The following HCN1 variants were observed in gnomAD, a reference collection of about 807,000 sequenced individuals.
HCN1 encodes hyperpolarization activated cyclic nucleotide gated potassium channel 1.
A neutral mutation model predicts 78.9 loss-of-function variants in HCN1; 13 were observed. That is an observed-to-expected ratio of 0.16 (90% confidence interval 0.11 to 0.26). HCN1 has a LOEUF of 0.26. Ranked by LOEUF, HCN1 falls within the 10% of genes least tolerant of loss-of-function variation. The pLI is 1.00. For missense variants in HCN1, 810 were observed against 1,154.3 expected (o/e 0.70, Z 4.32); for synonymous variants, 552 against 455.5 (o/e 1.21, Z -2.70).
At chr5:45,351,253 C>T (rs1746894669) in intron 5 of HCN1, among the ~76,000 whole-genome samples, 1 of 151,308 alleles carries the variant, frequency 6.6e-6, no homozygotes, top group African/African-American at 2.4e-5. Flanking sequence ...TTTGACAAAC[C>T]TGAGAAAAAC....
chr5:45,372,117 ATATAT>A (rs1295571071), intron 4 of HCN1, among the ~76,000 whole-genome samples: 2 of 54,858 alleles, frequency 3.6e-5, no homozygotes, highest in Admixed American at 3.4e-4. Context: ...TAATATAATT[ATATAT>A]TATATATATA....
intron 3 of HCN1, among the ~76,000 whole-genome samples, chr5:45,413,789 C>A (rs1740067940): frequency 6.6e-6 from 1 of 151,736 alleles, no homozygotes; most frequent in South Asian, 2.1e-4. Context: ...TTTCCAAAGA[C>A]AAATGCAATA....
At chr5:45,548,480 T>C (rs1042439719) in intron 2 of HCN1, among the ~76,000 whole-genome samples, 2 of 152,036 alleles carry the variant, frequency 1.3e-5, no homozygotes, top group African/African-American at 2.4e-5. Flanking sequence ...AATTAGGTAC[T>C]CACGGGACAT....
At chr5:45,430,690 C>A (rs747088183) in intron 3 of HCN1, among the ~76,000 whole-genome samples, 2 of 151,956 alleles carry the variant, frequency 1.3e-5, no homozygotes, top group African/African-American at 2.4e-5. Flanking sequence ...ACTCCATCAT[C>A]GGGCGCTTGT....
chr5:45,374,803 T>A (rs1016396625), intron 4 of HCN1, among the ~76,000 whole-genome samples: 1 of 147,512 alleles, frequency 6.8e-6, no homozygotes, highest in Non-Finnish European at 1.5e-5. Context: ...TATATATATA[T>A]AAAACCATAT....
chr5:45,350,237 T>G (rs1198582204), intron 5 of HCN1, among the ~76,000 whole-genome samples: 1 of 152,122 alleles, frequency 6.6e-6, no homozygotes, highest in East Asian at 1.9e-4. Flanking sequence ...AATCAATAAA[T>G]GTAATCCAGC....
rs549474903 is a variant in HCN1 at position 45,376,746 on chromosome 5, T to C, written c.1230+19746A>G. 2.0e-5 allele frequency among the ~76,000 whole-genome samples: 3 copies of C among 152,080 alleles called. No individual in the cohort carries two copies. The East Asian group carries it at 5.8e-4, about 29-fold the overall frequency. On this transcript the variant is annotated intron_variant, in intron 4 of 7. Transcript: ENST00000303230. ...TCTTAATACCATTCAGCAATTTCCTTGTGTCACTGGGATTCTGAACCATGT... is the reference window on the plus strand; with the variant it reads ...TCTTAATACCATTCAGCAATTTCCTCGTGTCACTGGGATTCTGAACCATGT...
chr5:45,528,519 A>C (rs1742784339), intron 2 of HCN1, among the ~76,000 whole-genome samples: 1 of 151,964 alleles, frequency 6.6e-6, no homozygotes, highest in Non-Finnish European at 1.5e-5. Context: ...GAAAAAGCTT[A>C]AGAGGAGGGA....
chr5:45,539,947 T>C (rs1031499656), intron 2 of HCN1, among the ~76,000 whole-genome samples: 5 of 92,256 alleles, frequency 5.4e-5, no homozygotes, highest in Non-Finnish European at 1.0e-4. Context: ...TATATATATA[T>C]ATATATATAT....
intron 1 of HCN1, among the ~76,000 whole-genome samples, chr5:45,678,078 A>C (rs1207514820): frequency 6.6e-6 from 1 of 151,872 alleles, no homozygotes; most frequent in Admixed American, 6.6e-5. Flanking sequence ...ATTCTCCAGT[A>C]CATCTGTTTC....
intron 2 of HCN1, among the ~76,000 whole-genome samples, chr5:45,588,612 G>A (rs1744290655): frequency 6.6e-6 from 1 of 151,986 alleles, no homozygotes; most frequent in Non-Finnish European, 1.5e-5. Context: ...AAAAGACCCA[G>A]AAATCCCTTT....
At chr5:45,384,196 T>A (rs1026996948) in intron 4 of HCN1, among the ~76,000 whole-genome samples, 1 of 152,110 alleles carries the variant, frequency 6.6e-6, no homozygotes, top group Admixed American at 6.6e-5. Context: ...GTATTTGGTG[T>A]TTAGTAAAGC....
At chr5:45,577,070 T>A (rs1485841754) in intron 2 of HCN1, among the ~76,000 whole-genome samples, 1 of 152,058 alleles carries the variant, frequency 6.6e-6, no homozygotes, top group Non-Finnish European at 1.5e-5. Flanking sequence ...TTTGGAAGGG[T>A]TGGAGTTAGC....
intron 2 of HCN1, among the ~76,000 whole-genome samples, chr5:45,580,490 A>G (rs752747440): frequency 6.6e-6 from 1 of 152,060 alleles, no homozygotes; most frequent in East Asian, 1.9e-4. Context: ...AGTGAGAACC[A>G]TATCAGACTT....
At chr5:45,317,812 A>G (rs1269903858) in intron 5 of HCN1, among the ~76,000 whole-genome samples, 2 of 152,230 alleles carry the variant, frequency 1.3e-5, no homozygotes, top group Non-Finnish European at 2.9e-5. Flanking sequence ...ACACATGAAA[A>G]AATGCTCATC....
intron 4 of HCN1, among the ~76,000 whole-genome samples, chr5:45,373,999 TATTATATAC>T (rs1561129984): frequency 6.8e-5 from 7 of 102,354 alleles, no homozygotes; most frequent in Middle Eastern, 0.014. Flanking sequence ...ATATAATATA[TATTATATAC>T]ATAATATATA....
Position 45,260,399 on chromosome 5 carries a change from TAA to T in HCN1, c.*1520_*1521del, listed in dbSNP as rs1477544855. ...AAGAAGCAGGTGCTCACAGATCATGTAAAGAGTTAAGAAAACAGACAGACAAT... is the reference window on the plus strand; with the variant it reads ...AAGAAGCAGGTGCTCACAGATCATGTAGAGTTAAGAAAACAGACAGACAAT... On this transcript the variant is annotated 3_prime_UTR_variant, in exon 8 of 8. Transcript: ENST00000303230. 1.3e-5 allele frequency: 2 copies of T among 152,240 alleles called. No individual in the cohort carries two copies. Among genetic ancestry groups the T allele is most frequent in the Admixed American group, 6.5e-5 (1 of 15,282 alleles). The allele number at this position is 152,240 out of a possible 1,614,324, so 9.4% of individuals were successfully genotyped here.
At chr5:45,276,799 T>C (rs767262727) in intron 6 of HCN1, among the ~76,000 whole-genome samples, 2 of 152,080 alleles carry the variant, frequency 1.3e-5, no homozygotes, top group African/African-American at 2.4e-5. Flanking sequence ...CTGTACATCA[T>C]TGGTGACATG....
At chr5:45,669,201 T>TA (rs1395356760) in intron 1 of HCN1, among the ~76,000 whole-genome samples, 1 of 151,746 alleles carries the variant, frequency 6.6e-6, no homozygotes, top group African/African-American at 2.4e-5. Context: ...AAATTTAATA[T>TA]AAAAAACTAA....
Sources: gnomAD v4.1 joint callset for allele counts (sites outside exome capture counted in the v4.1 genomes callset) on GRCh38, gnomAD v4.1.1 for gene constraint, MANE v1.5 for transcripts, NCBI Gene and HGNC (gene_info 2026-07-23, HGNC 2026-07-21) for gene names.